PALLD: variants seen among roughly 807,000 people sequenced by gnomAD.
PALLD encodes the protein palladin.
In PALLD, 61 loss-of-function variants were observed where a neutral mutation model predicts 123.5. The ratio of observed to expected loss-of-function variants is 0.49; its 90% CI spans 0.40 to 0.61. The LOEUF is 0.61. Among genes scored for constraint, PALLD ranks in the 20% least tolerant of loss-of-function variants. The pLI, the probability that PALLD is intolerant of heterozygous loss-of-function variation, is 0.00. For missense variants in PALLD, 1,273 were observed against 1,377.0 expected (o/e 0.92, Z 1.20); for synonymous variants, 465 against 496.4 (o/e 0.94, Z 0.84).
chr4:168,576,057 T>A (rs960644637), intron 2 of PALLD, among the ~76,000 whole-genome samples: 21 of 152,160 alleles, frequency 1.4e-4, no homozygotes, highest in Non-Finnish European at 2.4e-4. Context: ...GGAATTTTCA[T>A]ATAAATATAA....
At chr4:168,656,866 C>CT (rs1157810149) in intron 2 of PALLD, among the ~76,000 whole-genome samples, 4 of 152,194 alleles carry the variant, frequency 2.6e-5, no homozygotes, top group Non-Finnish European at 5.9e-5. Flanking sequence ...TAAACATAGA[C>CT]TGTTAAAACA....
intron 10 of PALLD, among the ~76,000 whole-genome samples, chr4:168,855,157 C>T (rs2150999294): frequency 7.3e-6 from 1 of 136,846 alleles, no homozygotes; most frequent in South Asian, 2.3e-4. Flanking sequence ...GTGGCGCGAT[C>T]TTGGCTCACT....
At chr4:168,791,896 T>C (rs554511663) in intron 10 of PALLD, among the ~76,000 whole-genome samples, 8 of 151,810 alleles carry the variant, frequency 5.3e-5, no homozygotes, top group African/African-American at 1.9e-4. Flanking sequence ...TAACATAAAA[T>C]CTTCTAAAAA....
chr4:168,528,491 A>G (rs1273132914), intron 2 of PALLD, among the ~76,000 whole-genome samples: 1 of 152,220 alleles, frequency 6.6e-6, no homozygotes. Context: ...GGAGTGCTAC[A>G]TATGTCTGGC....
chr4:168,786,111 TGTG>T (rs1736718122), intron 10 of PALLD, among the ~76,000 whole-genome samples: 1 of 151,732 alleles, frequency 6.6e-6, no homozygotes, highest in Non-Finnish European at 1.5e-5. Context: ...GGGCGGATCA[TGTG>T]GTCAAGAGAT....
intron 2 of PALLD, among the ~76,000 whole-genome samples, chr4:168,548,651 G>C (rs551022964): frequency 2.6e-5 from 4 of 152,286 alleles, no homozygotes; most frequent in Admixed American, 2.0e-4. Context: ...TTGTAGGAGA[G>C]ACAAAGTAAG....
chr4:168,768,069 G>T (rs560287256), intron 10 of PALLD, among the ~76,000 whole-genome samples: 2 of 152,114 alleles, frequency 1.3e-5, no homozygotes, highest in African/African-American at 4.8e-5. Flanking sequence ...CCTTCAAGAC[G>T]TAGTTCAAAT....
intron 2 of PALLD, among the ~76,000 whole-genome samples, chr4:168,614,047 A>G (rs1296101748): frequency 6.6e-6 from 1 of 152,198 alleles, no homozygotes; most frequent in Non-Finnish European, 1.5e-5. Context: ...AAGTCATGTC[A>G]TAAGTAATGT....
chr4:168,589,701 T>G (rs188212599), intron 2 of PALLD, among the ~76,000 whole-genome samples: 91 of 152,344 alleles, frequency 6.0e-4, no homozygotes, highest in African/African-American at 1.8e-3. Flanking sequence ...AGAGGCATTG[T>G]TGATAAATTA....
At chr4:168,879,410 A>G (rs980989253) in intron 10 of PALLD, among the ~76,000 whole-genome samples, 1 of 152,196 alleles carries the variant, frequency 6.6e-6, no homozygotes, top group Non-Finnish European at 1.5e-5. Flanking sequence ...TTAAGCCAGC[A>G]CCCATATCTC....
intron 10 of PALLD, among the ~76,000 whole-genome samples, chr4:168,760,577 C>T (rs1384557426): frequency 6.6e-6 from 1 of 152,098 alleles, no homozygotes; most frequent in East Asian, 1.9e-4. Context: ...TAGTCTCATC[C>T]CTCCAAATTT....
chr4:168,534,318 C>T (rs1037643556), intron 2 of PALLD, among the ~76,000 whole-genome samples: 1 of 152,218 alleles, frequency 6.6e-6, no homozygotes, highest in Non-Finnish European at 1.5e-5. Context: ...AAGACAAAAA[C>T]ACCATCAGCG....
At chr4:168,656,208 C>T (rs1346907300) in intron 2 of PALLD, among the ~76,000 whole-genome samples, 1 of 151,626 alleles carries the variant, frequency 6.6e-6, no homozygotes, top group Non-Finnish European at 1.5e-5. Flanking sequence ...TGCAATTTCT[C>T]ATTCTCAGCT....
chr4:168,538,622 A>G (rs1257947620), intron 2 of PALLD, among the ~76,000 whole-genome samples: 4 of 152,190 alleles, frequency 2.6e-5, no homozygotes, highest in Non-Finnish European at 5.9e-5. Flanking sequence ...AAAGCTGAAC[A>G]TAAAATAAAT....
intron 2 of PALLD, among the ~76,000 whole-genome samples, chr4:168,579,730 G>C (rs1209154043): frequency 1.3e-5 from 2 of 151,868 alleles, no homozygotes; most frequent in Non-Finnish European, 2.9e-5. Flanking sequence ...TGACATGTAA[G>C]ACATAATTTT....
intron 10 of PALLD, among the ~76,000 whole-genome samples, chr4:168,853,194 A>G (rs1233925379): frequency 1.3e-5 from 2 of 152,234 alleles, no homozygotes; most frequent in East Asian, 1.9e-4. Context: ...TTTAGCCAGC[A>G]TAATTACTAG....
Position 168,921,715 on chromosome 4 carries a change from C to T in PALLD, c.3032C>T (p.Ser1011Leu). ...GCTACCAACCGAGCAGGACAGAACT[C>T]ATTCAGCCTGGAGCTTGTGGTTGCT... Reference protein sequence around the residue: ...CIATNRAGQNSFSLELVVAAK... With the variant: ...CIATNRAGQNLFSLELVVAAK... Residue 1011 changes from serine to leucine, a missense_variant, in exon 18 of 22, where the codon TCA (serine) becomes TTA (leucine). Physicochemically the swap from Ser to Leu is moderately radical, Grantham distance 145. Around this residue, in one of 2 missense-constraint regions of PALLD, gnomAD observed 329 missense variants for 422.5 expected, o/e 0.78. Transcript: ENST00000505667. 1 of 1,611,594 alleles carries T rather than the reference C, an allele frequency of 6.2e-7. No individual in the cohort carries two copies. The highest frequency in any genetic ancestry group is 8.5e-7 in the Non-Finnish European group (1 of 1,179,756).
rs143816647 is a variant in PALLD, at chr4:168,627,237, C to T, written c.909-40953C>T. ...AAAATATAAATGAACAGGCCAGGCA[C>T]GGTGGCTCATGCCTCTAATCCTAGC... On this transcript the variant is annotated intron_variant, in intron 2 of 21. Transcript: ENST00000505667. Among the ~76,000 whole-genome samples, 11 of 152,302 alleles carry T rather than the reference C, an allele frequency of 7.2e-5. No individual in the cohort carries two copies. The East Asian group carries it at 1.3e-3, about 19-fold the overall frequency.
At chr4:168,750,765 G>A (rs779949709) in intron 10 of PALLD, among the ~76,000 whole-genome samples, 1 of 152,212 alleles carries the variant, frequency 6.6e-6, no homozygotes, top group Middle Eastern at 3.4e-3. Flanking sequence ...CCATCCCCTA[G>A]TTATGCCTTA....
Sources: gnomAD v4.1 joint callset for allele counts (sites outside exome capture counted in the v4.1 genomes callset) on GRCh38, gnomAD v4.1.1 for gene constraint, gnomAD v4.1.1 regional missense constraint, MANE v1.5 for transcripts, NCBI Gene and HGNC (gene_info 2026-07-23, HGNC 2026-07-21) for gene names.